DLG2: variants seen among roughly 807,000 people sequenced by gnomAD.
DLG2 encodes disks large homolog 2.
DLG2 carries 45 observed loss-of-function variants against 132.5 expected under a neutral mutation model. That is an observed-to-expected ratio of 0.34 (90% CI 0.27 to 0.44). The LOEUF is 0.44. DLG2 is among the 20% of genes least tolerant of loss of function. The pLI is 1.00. For synonymous variants in DLG2, 424 were observed against 419.6 expected, an observed-to-expected ratio of 1.01 and a Z score of -0.13; for missense variants, 1,045 against 1,196.9, an observed-to-expected ratio of 0.87 and a Z score of 1.87.
At chr11:83,690,847 T>G (rs1275926309) in intron 18 of DLG2, among the ~76,000 whole-genome samples, 1 of 152,234 alleles carries the variant, frequency 6.6e-6, no homozygotes, top group Non-Finnish European at 1.5e-5. Context: ...AAAAGTTACA[T>G]GAAATTCAAA....
At chr11:83,959,632 C>T (rs1190328261) in intron 14 of DLG2, among the ~76,000 whole-genome samples, 2 of 151,924 alleles carry the variant, frequency 1.3e-5, no homozygotes, top group African/African-American at 4.8e-5. Flanking sequence ...TCCTTTATAG[C>T]GAATCTACGG....
intron 6 of DLG2, among the ~76,000 whole-genome samples, chr11:84,574,863 T>A (rs1462452910): frequency 6.6e-6 from 1 of 152,152 alleles, no homozygotes; most frequent in Non-Finnish European, 1.5e-5. Context: ...GGGCATTATC[T>A]GACTTTTCCC....
chr11:83,502,918 C>T (rs953089870), intron 21 of DLG2, among the ~76,000 whole-genome samples: 2 of 152,058 alleles, frequency 1.3e-5, no homozygotes, highest in African/African-American at 2.4e-5. Flanking sequence ...TGTTAGAAGG[C>T]TTTCCTAATT....
intron 6 of DLG2, among the ~76,000 whole-genome samples, chr11:85,035,259 G>A (rs1368877084): frequency 1.3e-5 from 2 of 152,102 alleles, no homozygotes; most frequent in Non-Finnish European, 2.9e-5. Flanking sequence ...GATGGAAATG[G>A]GAAACTTAAC....
intron 6 of DLG2, among the ~76,000 whole-genome samples, chr11:84,861,063 A>G (rs1208019623): frequency 6.6e-6 from 1 of 152,138 alleles, no homozygotes; most frequent in African/African-American, 2.4e-5. Context: ...GTAAACAACC[A>G]CAATACAGTA....
At chr11:84,753,941 A>C (rs1481083517) in intron 6 of DLG2, among the ~76,000 whole-genome samples, 1 of 152,236 alleles carries the variant, frequency 6.6e-6, no homozygotes, top group African/African-American at 2.4e-5. Flanking sequence ...GAGGTAGAGA[A>C]AGATGAGAAC....
chr11:84,075,157 C>G (rs1224016438), intron 10 of DLG2, among the ~76,000 whole-genome samples: 2 of 152,170 alleles, frequency 1.3e-5, no homozygotes, highest in Non-Finnish European at 2.9e-5. Flanking sequence ...ATATCACCTC[C>G]TCAGAAAGGC....
chr11:85,359,702 A>G (rs2083997671), intron 3 of DLG2, among the ~76,000 whole-genome samples: 1 of 152,150 alleles, frequency 6.6e-6, no homozygotes, highest in Non-Finnish European at 1.5e-5. Context: ...AATAAGAAAC[A>G]TGATATGACA....
At chr11:83,755,109 T>G (rs1593727216) in intron 18 of DLG2, among the ~76,000 whole-genome samples, 1 of 151,370 alleles carries the variant, frequency 6.6e-6, no homozygotes, top group African/African-American at 2.5e-5. Context: ...TTACCTACTT[T>G]TACCTTATTT....
chr11:85,258,101 C>T (rs1157368502), intron 4 of DLG2, among the ~76,000 whole-genome samples: 1 of 152,138 alleles, frequency 6.6e-6, no homozygotes, highest in Non-Finnish European at 1.5e-5. Flanking sequence ...AAGCAATGTG[C>T]CTCAAGTCAA....
intron 3 of DLG2, among the ~76,000 whole-genome samples, chr11:85,439,344 C>T (rs2091654334): frequency 6.6e-6 from 1 of 150,778 alleles, no homozygotes; most frequent in South Asian, 2.1e-4. Context: ...TTTTAGGCTT[C>T]GCTTCCTCAG....
intron 8 of DLG2, among the ~76,000 whole-genome samples, chr11:84,215,511 G>A (rs1349650404): frequency 6.6e-6 from 1 of 152,092 alleles, no homozygotes; most frequent in Non-Finnish European, 1.5e-5. Flanking sequence ...AGGTCAAGAA[G>A]GGGCTTTTTG....
chr11:84,325,530 C>A (rs1381715742), intron 7 of DLG2, among the ~76,000 whole-genome samples: 3 of 152,042 alleles, frequency 2.0e-5, no homozygotes, highest in Admixed American at 2.0e-4. Flanking sequence ...ATATTTCATT[C>A]TTTTAATGTG....
At chr11:85,614,595 G>A (rs144334938) in intron 2 of DLG2, among the ~76,000 whole-genome samples, 1 of 152,262 alleles carries the variant, frequency 6.6e-6, no homozygotes, top group Non-Finnish European at 1.5e-5. Context: ...AGCCAAAATG[G>A]CGCCATTGCA....
chr11:85,527,928 T>C (rs1429665059), intron 3 of DLG2, among the ~76,000 whole-genome samples: 1 of 152,266 alleles, frequency 6.6e-6, no homozygotes, highest in Non-Finnish European at 1.5e-5. Flanking sequence ...GGTTTTGATT[T>C]GCATTTCTCT....
chr11:84,675,853 T>C (rs112162609), intron 6 of DLG2, among the ~76,000 whole-genome samples: 2 of 152,064 alleles, frequency 1.3e-5, no homozygotes, highest in African/African-American at 4.8e-5. Context: ...GCCAAAGGAT[T>C]TATGCACAGG....
chr11:83,575,655 C>G (rs1265511585), intron 19 of DLG2, among the ~76,000 whole-genome samples: 1 of 152,182 alleles, frequency 6.6e-6, no homozygotes, highest in Non-Finnish European at 1.5e-5. Flanking sequence ...TAGAAAACTT[C>G]ACAATTCATG....
chr11:83,711,112 G>C (rs747715339), intron 18 of DLG2, among the ~76,000 whole-genome samples: 4 of 152,078 alleles, frequency 2.6e-5, no homozygotes, highest in Non-Finnish European at 5.9e-5. Context: ...CCCCCTTATT[G>C]AACTGTGCAT....
At chr11:84,550,214 C>T (rs1340025660) in intron 6 of DLG2, among the ~76,000 whole-genome samples, 1 of 152,022 alleles carries the variant, frequency 6.6e-6, no homozygotes, top group Non-Finnish European at 1.5e-5. Context: ...CAGGCTTCCA[C>T]CATGCTATTA....
Sources: allele counts gnomAD v4.1 joint callset (sites outside exome capture counted in the v4.1 genomes callset), GRCh38; gene constraint gnomAD v4.1.1; transcripts MANE v1.5; gene names NCBI Gene and HGNC (gene_info 2026-07-23, HGNC 2026-07-21).